Variants in TENM1 observed in about 807,000 individuals in gnomAD.
TENM1 encodes the protein teneurin transmembrane protein 1.
TENM1 carries 35 observed loss-of-function variants against 174.8 expected under a neutral mutation model. The observed-to-expected ratio is 0.20, with a 90% CI of 0.15 to 0.27. The LOEUF is 0.27. Ranked by LOEUF, TENM1 falls within the 10% of genes least tolerant of loss-of-function variation. The pLI is 1.00. For synonymous variants in TENM1, 781 were observed against 798.7 expected (o/e 0.98, Z 0.37); for missense variants, 1,633 against 2,130.1 (o/e 0.77, Z 4.59).
intron 1 of TENM1, among the ~76,000 whole-genome samples, chrX:124,897,766 T>C (rs2057588092): frequency 8.9e-6 from 1 of 112,487 alleles, no homozygotes; most frequent in Non-Finnish European, 1.9e-5. Flanking sequence ...AGTAATTCCC[T>C]TTTTCTACAA....
Position 124,886,548 on chromosome X carries a change from T to TAGAG in TENM1, c.535+7744_535+7747dup, listed in dbSNP as rs57122660. Among the ~76,000 whole-genome samples the TAGAG allele has an allele frequency of 8.9e-3, 536 of 59,945 alleles. 2 individuals are homozygous for TAGAG. Among genetic ancestry groups the TAGAG allele is most frequent in the East Asian group, 0.016 (29 of 1,804 alleles). 52.1% of individuals were successfully genotyped at this position (59,945 alleles called of 115,157 possible). On this transcript the variant is annotated intron_variant, in intron 3 of 31. Transcript: ENST00000422452. ...ATATATATATATATATATATATATA[T>TAGAG]AGAGAGAGAGAGAGAGAGAGAGAGA...
At chrX:125,001,181 G>C in the TENM1 span, among the ~76,000 whole-genome samples, 11 of 110,478 alleles carry the variant, frequency 1.0e-4, no homozygotes, top group Non-Finnish European at 1.9e-4. Context: ...CACCAGAAAA[G>C]TGAATAATGT....
At chrX:125,021,884 T>G in the TENM1 span, among the ~76,000 whole-genome samples, 1 of 113,108 alleles carries the variant, frequency 8.8e-6, no homozygotes, top group African/African-American at 3.2e-5. Flanking sequence ...TGCATTTAGC[T>G]GAGGGATGCA....
chrX:124,881,303 A>G (rs776908648), intron 3 of TENM1, among the ~76,000 whole-genome samples: 1 of 111,647 alleles, frequency 9.0e-6, no homozygotes, highest in Admixed American at 9.5e-5. Flanking sequence ...AACGTTATCC[A>G]GTTTGTTAGT....
At chrX:124,540,072 C>T (rs1297764217) in intron 15 of TENM1, among the ~76,000 whole-genome samples, 1 of 112,198 alleles carries the variant, frequency 8.9e-6, no homozygotes, top group Non-Finnish European at 1.9e-5. Context: ...TCTGATGTTC[C>T]ATGATCCATA....
At chrX:124,520,344 G>T (rs1274303206) in intron 18 of TENM1, among the ~76,000 whole-genome samples, 173 bp downstream of exon 21, 1 of 111,954 alleles carries the variant, frequency 8.9e-6, no homozygotes, top group Admixed American at 9.5e-5. Context: ...AAGCAAAAAT[G>T]TGTCAAAAGG....
At chrX:124,478,883 G>GAA (rs1419225175) in intron 22 of TENM1, among the ~76,000 whole-genome samples, 1 of 112,513 alleles carries the variant, frequency 8.9e-6, no homozygotes, top group African/African-American at 3.2e-5. Context: ...CCTCAAAGAT[G>GAA]AAATGAGCAA....
intron 3 of TENM1, among the ~76,000 whole-genome samples, chrX:124,767,573 C>G (rs2054563990): frequency 9.0e-6 from 1 of 111,023 alleles, no homozygotes; most frequent in Admixed American, 9.6e-5. Context: ...CTTTTTTACA[C>G]CGAAGGCTTT....
chrX:124,994,561 A>G, the TENM1 span, among the ~76,000 whole-genome samples: 1 of 110,761 alleles, frequency 9.0e-6, no homozygotes, highest in Admixed American at 9.6e-5. Context: ...AAACAATCGC[A>G]GTTCTATAGT....
chrX:124,698,365 C>T (rs1478386376), intron 5 of TENM1, among the ~76,000 whole-genome samples: 2 of 111,213 alleles, frequency 1.8e-5, no homozygotes, highest in Non-Finnish European at 3.8e-5. Context: ...CAGATAACAA[C>T]ATTCTCTCCT....
intron 3 of TENM1, among the ~76,000 whole-genome samples, chrX:124,862,269 T>C (rs1002704339): frequency 2.7e-5 from 3 of 111,732 alleles, no homozygotes; most frequent in African/African-American, 9.8e-5. Context: ...ACTTAACAGC[T>C]ATCTATGTAG....
At chrX:125,189,356 G>T in the TENM1 span, among the ~76,000 whole-genome samples, 2 of 112,282 alleles carry the variant, frequency 1.8e-5, no homozygotes, top group Non-Finnish European at 3.8e-5. Flanking sequence ...ACTGAATGTG[G>T]GCTAACTACC....
chrX:124,802,109 G>A (rs2055468818), intron 3 of TENM1, among the ~76,000 whole-genome samples: 1 of 111,704 alleles, frequency 9.0e-6, no homozygotes, highest in Non-Finnish European at 1.9e-5. Flanking sequence ...GCCTACTTCT[G>A]TCAATTTGCC....
At chrX:124,845,737 A>T (rs904920576) in intron 3 of TENM1, among the ~76,000 whole-genome samples, 1 of 110,041 alleles carries the variant, frequency 9.1e-6, no homozygotes, top group African/African-American at 3.3e-5. Context: ...AAGATAAGGT[A>T]GGGAAATTAC....
chrX:124,984,962 T>C, the TENM1 span, among the ~76,000 whole-genome samples: 1 of 112,191 alleles, frequency 8.9e-6, no homozygotes, highest in Non-Finnish European at 1.9e-5. Flanking sequence ...AGAATTGGTA[T>C]TTCTTGAATT....
At chrX:124,391,045 C>G (rs1387307528) in intron 28 of TENM1, among the ~76,000 whole-genome samples, 1 of 111,966 alleles carries the variant, frequency 8.9e-6, no homozygotes, top group Non-Finnish European at 1.9e-5. Context: ...GCAACAAACT[C>G]TGGGAACTAG....
At chrX:124,842,867 G>A in intron 3 of TENM1, among the ~76,000 whole-genome samples, 2 of 111,156 alleles carry the variant, frequency 1.8e-5, no homozygotes, top group Middle Eastern at 9.4e-3. Context: ...AATTACCAAG[G>A]ATTTCTAGCC....
At chrX:124,956,137 C>A (rs1314078686) in intron 1 of TENM1, among the ~76,000 whole-genome samples, 1 of 111,795 alleles carries the variant, frequency 8.9e-6, no homozygotes, top group Non-Finnish European at 1.9e-5. Flanking sequence ...TGTCACCATG[C>A]CCTAGGCAGA....
intron 11 of TENM1, among the ~76,000 whole-genome samples, chrX:124,574,673 T>G (rs978744455): frequency 4.1e-5 from 4 of 97,967 alleles, no homozygotes; most frequent in Non-Finnish European, 8.2e-5. Context: ...TTGGGGAAAC[T>G]AAACTATGAG....
Sources: allele counts gnomAD v4.1 joint callset (sites outside exome capture counted in the v4.1 genomes callset), GRCh38; gene constraint gnomAD v4.1.1; transcripts MANE v1.5; gene names NCBI Gene and HGNC (gene_info 2026-07-23, HGNC 2026-07-21).